NFIC: variants seen among roughly 807,000 people sequenced by gnomAD.
NFIC encodes nuclear factor 1 C-type.
NFIC carries 12 observed loss-of-function variants against 54.4 expected under a neutral mutation model. That is an observed-to-expected ratio of 0.22 (90% CI 0.14 to 0.36). The LOEUF (loss-of-function observed/expected upper bound fraction) is 0.36. NFIC is among the 10% of genes least tolerant of loss of function. The pLI is 1.00. For synonymous variants in NFIC, 322 were observed against 319.2 expected (o/e 1.01, Z -0.09); for missense variants, 575 against 718.2 (o/e 0.80, Z 2.28).
rs1050763650 is a variant in NFIC at position 3,404,589 on chromosome 19, CCCCCCA to C, written c.563-20506_563-20501del. On this transcript the variant is annotated intron_variant, in intron 2 of 10. Transcript: ENST00000443272. ...CTCCCTTGTCACCTTCTCCTGGTGT[CCCCCCA>C]CCCCCACCCCACCCAGGAGGGCAGG... Among the ~76,000 whole-genome samples the C allele has an allele frequency of 3.9e-5, 6 of 152,136 alleles. 1 individual carries two copies. Among genetic ancestry groups the C allele is most frequent in the African/African-American group, 1.4e-4 (6 of 41,542 alleles).
chr19:3,462,124 G>C (rs1418387580), intron 10 of NFIC, among the ~76,000 whole-genome samples: 2 of 151,958 alleles, frequency 1.3e-5, no homozygotes, highest in East Asian at 3.9e-4. Flanking sequence ...GCTCACACCT[G>C]TAATTCCAGC....
At chr19:3,392,335 G>A (rs1041948446) in intron 2 of NFIC, among the ~76,000 whole-genome samples, 2 of 152,152 alleles carry the variant, frequency 1.3e-5, no homozygotes, top group Admixed American at 1.3e-4. Context: ...GCCTCCCAAA[G>A]TGCTGGGACT....
intron 3 of NFIC, among the ~76,000 whole-genome samples, chr19:3,426,008 C>T (rs772633383): frequency 2.2e-5 from 3 of 139,276 alleles, no homozygotes; most frequent in Non-Finnish European, 3.0e-5. Context: ...GATCTCGGCT[C>T]ACTGCATCCT....
intron 6 of NFIC, among the ~76,000 whole-genome samples, chr19:3,436,416 G>T (rs563930616): frequency 7.7e-5 from 11 of 142,014 alleles, no homozygotes; most frequent in African/African-American, 2.6e-4. Context: ...CTCCTGCCTC[G>T]TCCTCCCAAA....
chr19:3,434,463 G>C, intron 5 of NFIC, 63 bp downstream of exon 5: 2 of 1,509,658 alleles, frequency 1.3e-6, no homozygotes, highest in Non-Finnish European at 1.8e-6. Context: ...CATCCCCTCT[G>C]GCCCGAGCTG....
chr19:3,428,491 C>T (rs972887816), intron 3 of NFIC, among the ~76,000 whole-genome samples: 2 of 150,918 alleles, frequency 1.3e-5, no homozygotes, highest in South Asian at 2.1e-4. Flanking sequence ...GAAGAGAAAG[C>T]GAGTGGGTGA....
At chr19:3,367,511 C>T (rs953421264) in intron 1 of NFIC, among the ~76,000 whole-genome samples, 2 of 152,156 alleles carry the variant, frequency 1.3e-5, no homozygotes, top group South Asian at 4.1e-4. Flanking sequence ...AGCCTCTCAC[C>T]CCTGGCCGCA....
intron 9 of NFIC, among the ~76,000 whole-genome samples, chr19:3,454,705 A>C: frequency 7.0e-6 from 1 of 142,916 alleles, no homozygotes; most frequent in Non-Finnish European, 1.5e-5. Flanking sequence ...CTCCCCATGG[A>C]CTCCATCTGC....
chr19:3,429,247 A>T (rs375523098), intron 3 of NFIC, among the ~76,000 whole-genome samples: 2,714 of 37,626 alleles, frequency 0.072, 195 homozygotes, highest in East Asian at 0.11. Context: ...AAAAAAAAAA[A>T]ATATATACAC....
At position 3,453,854 on chromosome 19, in the gene NFIC, TC is replaced by T. The variant is rs2082508303; in HGVS notation, c.1367del (p.Pro456LeufsTer36). 5.1e-6 allele frequency: 8 copies of T among 1,556,814 alleles called. No individual in the cohort carries two copies. The East Asian group carries it at 7.4e-5, about 14-fold the overall frequency. ...CCCCCGGGGCTGCCACGGCTGGCGCTCCCCCCTGCCACCAAACCCGCCACCA... is the reference window on the plus strand; with the variant it reads ...CCCCCGGGGCTGCCACGGCTGGCGCTCCCCCTGCCACCAAACCCGCCACCA... Reference protein sequence around the residue: ...PPPPGLPRLALPPATKPATTS... With the variant: ...PPPPGLPRLAXPPATKPATTS... On this transcript the variant is annotated frameshift_variant, in exon 9 of 11. Transcript: ENST00000443272. LOFTEE classifies it high-confidence loss of function. The surrounding 1 kb of genome is among the most constrained non-coding windows in gnomAD (Gnocchi z 6.7).
intron 2 of NFIC, among the ~76,000 whole-genome samples, chr19:3,422,153 C>A (rs1385405692): frequency 6.6e-6 from 1 of 152,074 alleles, no homozygotes; most frequent in African/African-American, 2.4e-5. Context: ...TCAGGCTGGT[C>A]TCAAACTCCT....
intron 3 of NFIC, among the ~76,000 whole-genome samples, chr19:3,429,833 G>A (rs2082093700): frequency 6.6e-6 from 1 of 152,090 alleles, no homozygotes; most frequent in Non-Finnish European, 1.5e-5. Context: ...GCCTTTGCAC[G>A]GGCTGTTCCC....
Position 3,464,052 on chromosome 19 carries a change from G to A in NFIC, c.*1283G>A, listed in dbSNP as rs923338995. On this transcript the variant is annotated 3_prime_UTR_variant, in exon 11 of 11. Coordinates refer to ENST00000443272, the MANE Select transcript of NFIC (RefSeq NM_001245002.2). ...CGTCCTGCCCTGCCGGGGCGCGGGG[G>A]TGGGCTCTGGGGAAGCCGGTGCGCC... 37 of 985,308 alleles carry A rather than the reference G, an allele frequency of 3.8e-5. No individual in the cohort carries two copies. Among genetic ancestry groups the A allele is most frequent in the East Asian group, 2.3e-4 (2 of 8,750 alleles). 61.0% of individuals were successfully genotyped at this position (985,308 alleles called of 1,614,324 possible). A position where few individuals can be genotyped will look rare whatever the true frequency, so the allele number is the denominator to read the frequency against.
At chr19:3,393,643 G>A (rs34857663) in intron 2 of NFIC, among the ~76,000 whole-genome samples, 98,147 of 150,702 alleles carry the variant, frequency 0.65, 36,191 homozygotes, top group Non-Finnish European at 0.83. Context: ...GATGAAACCC[G>A]GTCTCTACTA....
At chr19:3,366,484 G>GGAGGGAGACC (rs1176607689), upstream of NFIC, 1 of 515,976 alleles carries the variant, frequency 1.9e-6, no homozygotes, top group Non-Finnish European at 3.3e-6. Flanking sequence ...GGAGGGAGGA[G>GGAGGGAGACC]GAGGGAGACC....
chr19:3,394,762 A>T (rs2081436078), intron 2 of NFIC, among the ~76,000 whole-genome samples: 1 of 151,978 alleles, frequency 6.6e-6, no homozygotes, highest in African/African-American at 2.4e-5. Context: ...ACCTCCCGTC[A>T]GATCAGCGGG....
intron 1 of NFIC, among the ~76,000 whole-genome samples, chr19:3,376,138 G>T (rs1021148304): frequency 6.6e-6 from 1 of 152,106 alleles, no homozygotes; most frequent in African/African-American, 2.4e-5. Context: ...CAATCAAAAT[G>T]ATCATCGCAG....
chr19:3,411,685 AC>A (rs1317589193), intron 2 of NFIC, among the ~76,000 whole-genome samples: 1 of 152,008 alleles, frequency 6.6e-6, no homozygotes, highest in Non-Finnish European at 1.5e-5. Flanking sequence ...GTGATGCTGA[AC>A]CTTTTTGACC....
At chr19:3,380,825 C>T (rs1222319108) in intron 1 of NFIC, among the ~76,000 whole-genome samples, 1 of 151,824 alleles carries the variant, frequency 6.6e-6, no homozygotes, top group East Asian at 1.9e-4. Context: ...TTTGTTTGTT[C>T]ATTTGTTTTG....
Sources: allele counts gnomAD v4.1 joint callset (sites outside exome capture counted in the v4.1 genomes callset), GRCh38; gene constraint gnomAD v4.1.1; non-coding constraint Gnocchi (gnomAD v3.1); transcripts MANE v1.5; gene names NCBI Gene and HGNC (gene_info 2026-07-23, HGNC 2026-07-21).